The following ST18 variants were observed in gnomAD, a reference collection of about 807,000 sequenced individuals.
The protein encoded by ST18 is ST18 C2H2C-type zinc finger transcription factor.
ST18 carries 50 observed loss-of-function variants against 110.0 expected under a neutral mutation model. That is an observed-to-expected ratio of 0.45 (90% CI 0.36 to 0.58). The LOEUF (loss-of-function observed/expected upper bound fraction) is 0.58, where lower values mean the gene tolerates loss of function less well. Ranked by LOEUF, ST18 falls within the 20% of genes least tolerant of loss-of-function variation. ST18 has a pLI of 0.00. For synonymous variants in ST18, 461 were observed against 452.4 expected, an observed-to-expected ratio of 1.02 and a Z score of -0.24; for missense variants, 1,306 against 1,280.1, an observed-to-expected ratio of 1.02 and a Z score of -0.31.
At chr8:52,123,989 G>A (rs540570123) in intron 23 of ST18, among the ~76,000 whole-genome samples, 1 of 152,250 alleles carries the variant, frequency 6.6e-6, no homozygotes, top group Non-Finnish European at 1.5e-5. Context: ...TTTGCTCTGA[G>A]TTTACTTACT....
chr8:52,388,678 A>G (rs897406498), intron 2 of ST18, among the ~76,000 whole-genome samples: 4 of 151,836 alleles, frequency 2.6e-5, no homozygotes, highest in African/African-American at 4.8e-5. Flanking sequence ...AGCGTAGGAA[A>G]GGAGAGAGAA....
intron 8 of ST18, among the ~76,000 whole-genome samples, chr8:52,186,331 T>G (rs945757725): frequency 7.9e-5 from 12 of 152,218 alleles, no homozygotes; most frequent in African/African-American, 2.9e-4. Flanking sequence ...GCTCAGATTC[T>G]TTCGTCTCCA....
chr8:52,234,430 A>AT (rs1286034098), intron 2 of ST18, among the ~76,000 whole-genome samples: 1 of 151,882 alleles, frequency 6.6e-6, no homozygotes, highest in African/African-American at 2.4e-5. Flanking sequence ...GCACCCGGCT[A>AT]TTTTTTGTAT....
At chr8:52,209,699 G>A (rs955877441) in intron 8 of ST18, among the ~76,000 whole-genome samples, 1 of 149,578 alleles carries the variant, frequency 6.7e-6, no homozygotes, top group Admixed American at 6.7e-5. Context: ...GAACCCAGGA[G>A]GCGGAGGTTG....
intron 2 of ST18, among the ~76,000 whole-genome samples, chr8:52,378,848 T>C (rs2140792456): frequency 6.6e-6 from 1 of 152,312 alleles, no homozygotes; most frequent in South Asian, 2.1e-4. Flanking sequence ...CTAGAATTCC[T>C]ACCTCATTTT....
At chr8:52,297,624 A>C (rs2095654998) in intron 2 of ST18, among the ~76,000 whole-genome samples, 1 of 152,228 alleles carries the variant, frequency 6.6e-6, no homozygotes, top group Non-Finnish European at 1.5e-5. Context: ...TGAAAAGTTA[A>C]AGGCACCTAC....
At chr8:52,268,551 TATCTATCTATC>T (rs2094960809) in intron 2 of ST18, among the ~76,000 whole-genome samples, 2 of 151,966 alleles carry the variant, frequency 1.3e-5, no homozygotes, top group Non-Finnish European at 2.9e-5. Flanking sequence ...TCTATCTATT[TATCTATCTATC>T]ATCTATCTAT....
rs1487157306 is a variant in ST18, at chr8:52,111,976, G to A, written c.*1222C>T. The A allele has an allele frequency of 6.6e-6, 1 of 152,338 alleles. No individual in the cohort carries two copies. The highest frequency in any genetic ancestry group is 1.5e-5 in the Non-Finnish European group (1 of 68,004). 9.4% of individuals were successfully genotyped at this position (152,338 alleles called of 1,614,324 possible). On this transcript the variant is annotated 3_prime_UTR_variant, in exon 26 of 26. Transcript: ENST00000689386. ...TGTGTGTGTGTGTGTGTGTGTCTGTGTGTGAGTATGCCTGTGTGTGTGAGT... is the reference window on the plus strand; with the variant it reads ...TGTGTGTGTGTGTGTGTGTGTCTGTATGTGAGTATGCCTGTGTGTGTGAGT...
chr8:52,152,681 A>T (rs1416404911), intron 15 of ST18, among the ~76,000 whole-genome samples: 1 of 152,220 alleles, frequency 6.6e-6, no homozygotes, highest in South Asian at 2.1e-4. Context: ...CCTTCAACAA[A>T]TTTCTTTTTT....
chr8:52,148,657 G>GAAGGAAGA (rs1303862728), intron 16 of ST18, among the ~76,000 whole-genome samples: 1 of 135,086 alleles, frequency 7.4e-6, no homozygotes, highest in Non-Finnish European at 1.6e-5. Context: ...CTGAAGGAAA[G>GAAGGAAGA]AAGGAAGAAA....
At chr8:52,160,173 G>A (rs1292343963) in intron 14 of ST18, among the ~76,000 whole-genome samples, 1 of 152,130 alleles carries the variant, frequency 6.6e-6, no homozygotes, top group Middle Eastern at 3.2e-3. Context: ...CGTATATTGT[G>A]TGTATATATA....
At chr8:52,334,992 C>G (rs1011175053) in intron 2 of ST18, among the ~76,000 whole-genome samples, 38 of 152,110 alleles carry the variant, frequency 2.5e-4, no homozygotes, top group African/African-American at 8.9e-4. Flanking sequence ...GAAAAAATAA[C>G]AAAATTATAG....
intron 2 of ST18, among the ~76,000 whole-genome samples, chr8:52,292,189 T>C (rs535067594): frequency 1.3e-5 from 2 of 152,332 alleles, no homozygotes; most frequent in East Asian, 3.9e-4. Context: ...CATGCATTAA[T>C]ATTGAAAAAA....
Position 52,111,307 on chromosome 8 carries a change from T to C in ST18, c.*1891A>G, listed in dbSNP as rs2040472138. 4.0e-6 allele frequency: 1 copy of C among 248,282 alleles called. No individual in the cohort carries two copies. Among genetic ancestry groups the C allele is most frequent in the Non-Finnish European group, 7.6e-6 (1 of 131,304 alleles). 15.4% of individuals were successfully genotyped at this position (248,282 alleles called of 1,614,324 possible). On this transcript the variant is annotated 3_prime_UTR_variant, in exon 26 of 26. Coordinates refer to ENST00000689386, the MANE Select transcript of ST18 (RefSeq NM_001352837.2). ...TCATTTGTATGCATCTATGAAGTACTGTATAGCAAAATGTTTGCAAGTACA... is the reference window on the plus strand; with the variant it reads ...TCATTTGTATGCATCTATGAAGTACCGTATAGCAAAATGTTTGCAAGTACA...
rs543683575 is a variant in ST18 at position 52,334,764 on chromosome 8, T to C, written c.-465+74564A>G. On this transcript the variant is annotated intron_variant, in intron 2 of 25. Transcript: ENST00000689386. Reference sequence around the variant, plus strand: ...TGTATTTTCTCTCCATTGGCTGTTATGGTTCCAAGGACTGGATCGAACCAG... The same window carrying C: ...TGTATTTTCTCTCCATTGGCTGTTACGGTTCCAAGGACTGGATCGAACCAG... 4.6e-5 allele frequency among the ~76,000 whole-genome samples: 7 copies of C among 152,330 alleles called. No homozygotes were observed. In the East Asian group the frequency reaches 1.4e-3, roughly 29 times the overall value.
intron 22 of ST18, among the ~76,000 whole-genome samples, chr8:52,130,127 G>GA (rs1272032341): frequency 0.011 from 1,482 of 132,846 alleles, 30 homozygotes; most frequent in African/African-American, 0.038. Flanking sequence ...AGAAAAGAAA[G>GA]AAAGAAAGAA....
intron 9 of ST18, 87 bp from the exon 10 acceptor site, chr8:52,172,670 TGC>T: frequency 9.8e-7 from 1 of 1,016,432 alleles, no homozygotes; most frequent in Non-Finnish European, 1.4e-6. Context: ...TATAAACATA[TGC>T]ATTCACATAC....
chr8:52,345,377 C>A (rs72642787), intron 2 of ST18, among the ~76,000 whole-genome samples: 1,892 of 152,274 alleles, frequency 0.012, 20 homozygotes, highest in Non-Finnish European at 0.021. Context: ...TTGCAGAGGG[C>A]TTGGCAATGA....
At chr8:52,193,511 G>A (rs906969838) in intron 8 of ST18, among the ~76,000 whole-genome samples, 9 of 152,202 alleles carry the variant, frequency 5.9e-5, no homozygotes, top group Non-Finnish European at 8.8e-5. Flanking sequence ...GCCTTCCATA[G>A]AACCTGCACT....
Sources: allele counts gnomAD v4.1 joint callset (sites outside exome capture counted in the v4.1 genomes callset), GRCh38; gene constraint gnomAD v4.1.1; transcripts MANE v1.5; gene names NCBI Gene and HGNC (gene_info 2026-07-23, HGNC 2026-07-21).